SLC15A5: variants seen among roughly 807,000 people sequenced by gnomAD.
SLC15A5 encodes the protein solute carrier family 15 member 5.
Under a neutral mutation model 56.1 loss-of-function variants are expected in SLC15A5, and 58 were observed. The observed-to-expected ratio is 1.03, with a 90% confidence interval of 0.84 to 1.29. The LOEUF is 1.29. Ranked by LOEUF, SLC15A5 falls within the 50% of genes most tolerant of loss-of-function variation. SLC15A5 has a pLI of 0.00. For missense variants in SLC15A5, 681 were observed against 672.1 expected (o/e 1.01, Z -0.15); for synonymous variants, 264 against 250.5 (o/e 1.05, Z -0.51).
intron 6 of SLC15A5, among the ~76,000 whole-genome samples, chr12:16,223,994 G>A (rs1273283989): frequency 1.3e-5 from 2 of 152,174 alleles, no homozygotes; most frequent in African/African-American, 4.8e-5. Flanking sequence ...GGGATTACAG[G>A]CGTGAGCCAC....
chr12:16,239,870 G>A lies in SLC15A5; in HGVS notation c.976-3C>T. 1 of 1,535,384 alleles carries A rather than the reference G, an allele frequency of 6.5e-7. No homozygotes were observed. Among genetic ancestry groups the A allele is most frequent in the South Asian group, 1.2e-5 (1 of 83,796 alleles). On this transcript the variant is annotated splice_region_variant and splice_polypyrimidine_tract_variant and intron_variant, in intron 4 of 8. Transcript: ENST00000344941. ...TGCAGATAATATCCTGAAGGAATCTGTATTCGAGAGGGAAACATCCATGCA... is the reference window on the plus strand; with the variant it reads ...TGCAGATAATATCCTGAAGGAATCTATATTCGAGAGGGAAACATCCATGCA...
chr12:16,224,362 C>A (rs1403837057), intron 6 of SLC15A5, 52 bp downstream of exon 6: 78 of 1,489,036 alleles, frequency 5.2e-5, no homozygotes, highest in Non-Finnish European at 6.7e-5. Context: ...GTGATGTGTT[C>A]TGTGTAAAGG....
intron 2 of SLC15A5, 23 bp downstream of exon 2, chr12:16,272,538 C>A: frequency 6.5e-7 from 1 of 1,532,538 alleles, no homozygotes; most frequent in South Asian, 1.2e-5. Context: ...AGCCTCTTTT[C>A]TCTCCTAGCC....
chr12:16,210,599 G>T (rs887730815), intron 7 of SLC15A5, among the ~76,000 whole-genome samples: 2 of 152,132 alleles, frequency 1.3e-5, no homozygotes, highest in Non-Finnish European at 2.9e-5. Context: ...AGCTTGAAAG[G>T]TAAGTCACTA....
intron 5 of SLC15A5, among the ~76,000 whole-genome samples, chr12:16,226,914 T>C (rs1462803296): frequency 1.3e-5 from 2 of 152,218 alleles, no homozygotes; most frequent in East Asian, 3.8e-4. Context: ...AGTCACATTT[T>C]GCTAACTTGC....
chr12:16,268,882 G>A (rs1864720788), intron 2 of SLC15A5, among the ~76,000 whole-genome samples: 1 of 152,060 alleles, frequency 6.6e-6, no homozygotes, highest in South Asian at 2.1e-4. Context: ...CTTGGTATTA[G>A]GTGTTATACC....
intron 1 of SLC15A5, among the ~76,000 whole-genome samples, chr12:16,276,325 C>G (rs1043852985): frequency 6.6e-6 from 1 of 152,050 alleles, no homozygotes; most frequent in Non-Finnish European, 1.5e-5. Flanking sequence ...ATCTGTCCCC[C>G]TACCAATACT....
At chr12:16,204,435 C>A (rs1423890948) in intron 7 of SLC15A5, among the ~76,000 whole-genome samples, 78 of 136,390 alleles carry the variant, frequency 5.7e-4, no homozygotes, top group South Asian at 9.1e-4. Context: ...GACACTGTCT[C>A]AAAAAAAAAA....
intron 3 of SLC15A5, among the ~76,000 whole-genome samples, chr12:16,252,061 C>T (rs2136799897): frequency 6.6e-6 from 1 of 152,018 alleles, no homozygotes; most frequent in South Asian, 2.1e-4. Context: ...GGACAAAAAC[C>T]ACATGATCAT....
At chr12:16,229,818 G>A (rs868438341) in intron 5 of SLC15A5, among the ~76,000 whole-genome samples, 1 of 152,182 alleles carries the variant, frequency 6.6e-6, no homozygotes, top group Non-Finnish European at 1.5e-5. Context: ...GGACTCCCAT[G>A]ATGAAATCAG....
Position 16,269,086 on chromosome 12 carries a change from C to T in SLC15A5, c.584+3475G>A, listed in dbSNP as rs1456926467. 1.3e-5 allele frequency among the ~76,000 whole-genome samples: 2 copies of T among 152,036 alleles called. No individual in the cohort carries two copies. Among genetic ancestry groups the T allele is most frequent in the African/African-American group, 2.4e-5 (1 of 41,392 alleles). On this transcript the variant is annotated intron_variant, in intron 2 of 8. Transcript: ENST00000344941. This position sits in a 1 kb window ranked among gnomAD's most constrained non-coding sequence, Gnocchi z 4.7. ...CAGGAAGAGAACCCTCACCAGAACC[C>T]TGATCTCAGAATTCTGGCCTCCAGA... is the stretch of plus-strand genomic sequence containing the variant.
chr12:16,215,663 C>A (rs1012054868), intron 7 of SLC15A5, among the ~76,000 whole-genome samples: 1 of 152,162 alleles, frequency 6.6e-6, no homozygotes, highest in Admixed American at 6.5e-5. Context: ...ATATCTCACA[C>A]AATTCCAGGT....
intron 5 of SLC15A5, among the ~76,000 whole-genome samples, chr12:16,236,907 T>A (rs561252486): frequency 6.6e-6 from 1 of 152,290 alleles, no homozygotes; most frequent in East Asian, 1.9e-4. Flanking sequence ...CTAAGCAGAA[T>A]AGTAATAGTA....
intron 2 of SLC15A5, among the ~76,000 whole-genome samples, chr12:16,262,929 AAGTCC>A (rs59875878): frequency 0.44 from 66,492 of 151,646 alleles, 14,711 homozygotes; most frequent in South Asian, 0.61. Context: ...GTGTAACTGT[AAGTCC>A]AGTTAAACCT....
At chr12:16,195,403 A>G (rs540421679) in intron 7 of SLC15A5, among the ~76,000 whole-genome samples, 1 of 152,282 alleles carries the variant, frequency 6.6e-6, no homozygotes, top group Admixed American at 6.5e-5. Flanking sequence ...TAGTATTACC[A>G]AATGTATTTA....
At chr12:16,218,743 C>A (rs1864156235) in intron 6 of SLC15A5, among the ~76,000 whole-genome samples, 1 of 152,170 alleles carries the variant, frequency 6.6e-6, no homozygotes, top group African/African-American at 2.4e-5. Flanking sequence ...TTACGTGTTG[C>A]ATGACTGTAC....
In SLC15A5 at chr12:16,206,707, T is replaced by C. The variant is rs1864023329; in HGVS notation, c.1483+10186A>G. Among the ~76,000 whole-genome samples, 5 of 152,326 alleles carry C rather than the reference T, an allele frequency of 3.3e-5. No individual in the cohort carries two copies. In the South Asian group the frequency reaches 1.0e-3, roughly 32 times the overall value. ...TCTGCACATGCTTGATACTTTGCTC[T>C]AGATAATAATGGCTGCATCACGACT... On this transcript the variant is annotated intron_variant, in intron 7 of 8. Coordinates refer to ENST00000344941, the MANE Select transcript of SLC15A5 (RefSeq NM_001170798.1).
At position 16,257,870 on chromosome 12, in the gene SLC15A5, C is replaced by T; in HGVS notation, c.585G>A (p.Trp195Ter). 6.8e-7 allele frequency: 1 copy of T among 1,479,322 alleles called. No individual in the cohort carries two copies. Among genetic ancestry groups the T allele is most frequent in the South Asian group, 1.4e-5 (1 of 72,626 alleles). 91.6% of individuals were successfully genotyped at this position (1,479,322 alleles called of 1,614,324 possible). A position where few individuals can be genotyped will look rare whatever the true frequency, so the allele number is the denominator to read the frequency against. ...GSQKTMSFFN[W>*]FYWLMNLNAT... ...CATTTAGGTTCATGAGCCAATAAAA[C>T]CTGGGGTATACAGACAGACAAAAAT... The change falls in exon 3 of 9, where the codon TGG becomes TGA. Residue 195 changes from tryptophan to a stop codon, truncating the protein, a stop_gained and splice_region_variant. Transcript: ENST00000344941. LOFTEE classifies it high-confidence loss of function.
At chr12:16,215,317 T>G (rs1174006512) in intron 7 of SLC15A5, among the ~76,000 whole-genome samples, 1 of 151,994 alleles carries the variant, frequency 6.6e-6, no homozygotes, top group Non-Finnish European at 1.5e-5. Context: ...TATGAAACAT[T>G]TAGATTTACA....
Sources: gnomAD v4.1 joint callset for allele counts (sites outside exome capture counted in the v4.1 genomes callset) on GRCh38, gnomAD v4.1.1 for gene constraint, Gnocchi (gnomAD v3.1) non-coding constraint, MANE v1.5 for transcripts, NCBI Gene and HGNC (gene_info 2026-07-23, HGNC 2026-07-21) for gene names.